The following RBFOX1 variants were observed in gnomAD, a reference collection of about 807,000 sequenced individuals.
The protein encoded by RBFOX1 is RNA binding protein fox-1 homolog 1.
RBFOX1 carries 8 observed loss-of-function variants against 57.7 expected under a neutral mutation model. That is an observed-to-expected ratio of 0.14 (90% CI 0.08 to 0.25). The LOEUF (loss-of-function observed/expected upper bound fraction) is 0.25. RBFOX1 is among the 10% of genes least tolerant of loss of function. The pLI is 1.00. For missense variants in RBFOX1, 611 were observed against 548.5 expected, an observed-to-expected ratio of 1.11 and a Z score of -1.14; for synonymous variants, 326 against 222.4, an observed-to-expected ratio of 1.47 and a Z score of -4.15.
chr16:6,880,488 C>G (rs1368093916), intron 3 of RBFOX1, among the ~76,000 whole-genome samples: 2 of 152,166 alleles, frequency 1.3e-5, no homozygotes, highest in Admixed American at 6.5e-5. Flanking sequence ...ACAAATGATG[C>G]AAAAGCTGGG....
intron 1 of RBFOX1, among the ~76,000 whole-genome samples, chr16:5,291,419 C>T (rs569272269): frequency 5.9e-5 from 9 of 152,210 alleles, no homozygotes; most frequent in East Asian, 3.9e-4. Context: ...CCCGCCACCA[C>T]GCCCTGCTAA....
At chr16:7,675,121 A>G (rs1157846899) in intron 13 of RBFOX1, among the ~76,000 whole-genome samples, 1 of 152,194 alleles carries the variant, frequency 6.6e-6, no homozygotes, top group Non-Finnish European at 1.5e-5. Context: ...CATTAAGTTT[A>G]ATGTATGTAC....
chr16:6,768,855 A>T (rs960305134), intron 3 of RBFOX1, among the ~76,000 whole-genome samples: 11 of 151,284 alleles, frequency 7.3e-5, no homozygotes, highest in Non-Finnish European at 4.4e-5. Context: ...CAGCCTCCCG[A>T]GTAGCTGGGA....
chr16:5,472,282 A>C (rs1288827226), intron 2 of RBFOX1, among the ~76,000 whole-genome samples: 1 of 152,078 alleles, frequency 6.6e-6, no homozygotes, highest in African/African-American at 2.4e-5. Flanking sequence ...AGGGCCTGGC[A>C]TTGCTTGTAC....
intron 10 of RBFOX1, among the ~76,000 whole-genome samples, chr16:7,611,171 G>A (rs187156859): frequency 6.6e-6 from 1 of 152,308 alleles, no homozygotes; most frequent in Non-Finnish European, 1.5e-5. Flanking sequence ...CTCTCAGAAT[G>A]AGGCATGAAA....
chr16:5,402,814 C>CT (rs1158771106), intron 1 of RBFOX1, among the ~76,000 whole-genome samples: 4 of 152,128 alleles, frequency 2.6e-5, no homozygotes, highest in Non-Finnish European at 5.9e-5. Flanking sequence ...CTCTGTTTCA[C>CT]TTTCTTTCTG....
At chr16:6,506,918 G>A (rs1185502788) in intron 2 of RBFOX1, among the ~76,000 whole-genome samples, 1 of 152,036 alleles carries the variant, frequency 6.6e-6, no homozygotes, top group Non-Finnish European at 1.5e-5. Flanking sequence ...AAAGTGCTGG[G>A]GTTACAGTCA....
intron 2 of RBFOX1, among the ~76,000 whole-genome samples, chr16:6,530,822 A>T (rs1362108098): frequency 6.6e-6 from 1 of 151,190 alleles, no homozygotes; most frequent in Non-Finnish European, 1.5e-5. Context: ...TGCCCCCATG[A>T]TTCAATTACC....
intron 3 of RBFOX1, among the ~76,000 whole-genome samples, chr16:5,858,158 A>C (rs556287939): frequency 1.2e-3 from 181 of 152,212 alleles, no homozygotes; most frequent in African/African-American, 4.2e-3. Flanking sequence ...CCTTGCACCT[A>C]GCCGCAGAAA....
intron 3 of RBFOX1, among the ~76,000 whole-genome samples, chr16:6,853,976 C>T (rs181489121): frequency 2.6e-5 from 4 of 152,134 alleles, no homozygotes; most frequent in Non-Finnish European, 4.4e-5. Context: ...CAGTCATCTC[C>T]GTAATGAGCT....
intron 10 of RBFOX1, among the ~76,000 whole-genome samples, chr16:7,623,255 G>A (rs908888052): frequency 4.6e-5 from 7 of 152,120 alleles, no homozygotes; most frequent in Non-Finnish European, 7.3e-5. Context: ...TCCACGGGTC[G>A]GGTAGCAGGG....
chr16:5,836,600 C>G lies in RBFOX1; in HGVS notation c.319-30703C>G, dbSNP rs572275133. On this transcript the variant is annotated intron_variant, in intron 3 of 19. Transcript: ENST00000641259. ...CCAGGCACATCTCAAATCTCCATCT[C>G]CATTTCCCCACCCTGTCCCAGGATT... is the stretch of plus-strand genomic sequence containing the variant. Among the ~76,000 whole-genome samples the G allele has an allele frequency of 3.1e-3, 472 of 152,320 alleles. 3 individuals are homozygous for G. The highest frequency in any genetic ancestry group is 0.027 in the Middle Eastern group (8 of 294).
rs1384734369 is a variant in RBFOX1, at chr16:6,992,203, G to T, written c.-15-59854G>T. 3.4e-5 allele frequency among the ~76,000 whole-genome samples: 5 copies of T among 147,812 alleles called. No homozygotes were observed. In the Admixed American group the frequency reaches 3.4e-4, roughly 10 times the overall value. The stretch of plus-strand genomic sequence containing the variant: ...TTTTGAGATGGAGTCTCACTCTGTT[G>T]CACAGGCTGGAGTGCAGTGGTGCAA... On this transcript the variant is annotated intron_variant, in intron 3 of 15. Coordinates refer to ENST00000550418, the MANE Select transcript of RBFOX1 (RefSeq NM_018723.4).
At chr16:7,455,244 C>T (rs1392853154) in intron 4 of RBFOX1, among the ~76,000 whole-genome samples, 1 of 152,132 alleles carries the variant, frequency 6.6e-6, no homozygotes, top group African/African-American at 2.4e-5. Flanking sequence ...GGTTTTATTT[C>T]CTTTGTAATA....
intron 1 of RBFOX1, among the ~76,000 whole-genome samples, chr16:6,210,337 CAAAAAAACAAAAAAAAAAAACACCA>C (rs2097285653): frequency 1.1e-4 from 1 of 9,330 alleles, no homozygotes; most frequent in Non-Finnish European, 2.4e-4. Context: ...AACAAAAAAA[CAAAAAAACAAAAAAAAAAAACACCA>C]AAAAAAAAAA....
intron 4 of RBFOX1, among the ~76,000 whole-genome samples, chr16:7,139,841 G>T (rs1236551147): frequency 6.6e-6 from 1 of 152,036 alleles, no homozygotes; most frequent in Non-Finnish European, 1.5e-5. Flanking sequence ...CATGTCTTAA[G>T]GAATGAGGAA....
At chr16:5,506,419 GT>G (rs2151710407) in intron 2 of RBFOX1, among the ~76,000 whole-genome samples, 1 of 152,242 alleles carries the variant, frequency 6.6e-6, no homozygotes, top group South Asian at 2.1e-4. Context: ...TCTTGGTCTA[GT>G]CCCAGCCTTC....
At chr16:5,664,599 C>T (rs530890759) in intron 3 of RBFOX1, among the ~76,000 whole-genome samples, 2 of 152,138 alleles carry the variant, frequency 1.3e-5, no homozygotes, top group South Asian at 4.2e-4. Flanking sequence ...CCACAGGACC[C>T]AGTAATCTGA....
intron 1 of RBFOX1, among the ~76,000 whole-genome samples, chr16:6,306,561 A>G (rs1235967678): frequency 9.2e-5 from 14 of 152,202 alleles, no homozygotes; most frequent in Admixed American, 9.2e-4. Flanking sequence ...CCAGAAGCTG[A>G]TAGATTCAGG....
Sources: allele counts gnomAD v4.1 joint callset (sites outside exome capture counted in the v4.1 genomes callset), GRCh38; gene constraint gnomAD v4.1.1; transcripts MANE v1.5; gene names NCBI Gene and HGNC (gene_info 2026-07-23, HGNC 2026-07-21).